LPP: variants seen among roughly 807,000 people sequenced by gnomAD.
The protein encoded by LPP is LIM domain containing preferred translocation partner in lipoma.
Under a neutral mutation model 60.4 loss-of-function variants are expected in LPP, and 38 were observed. The observed-to-expected ratio is 0.63, with a 90% CI of 0.49 to 0.83. LPP has a LOEUF of 0.83. LPP is among the 40% of genes least tolerant of loss of function. LPP has a pLI of 0.00. For synonymous variants in LPP, 328 were observed against 290.8 expected, an observed-to-expected ratio of 1.13 and a Z score of -1.30; for missense variants, 902 against 783.6, an observed-to-expected ratio of 1.15 and a Z score of -1.80.
intron 1 of LPP, chr3:188,179,534 C>T (rs1340036674): frequency 2.2e-6 from 1 of 457,468 alleles, no homozygotes; most frequent in South Asian, 1.5e-5. Context: ...TAGAGTTCCT[C>T]TCGTGCTCTC....
chr3:188,275,673 T>C (rs1739383698), intron 2 of LPP, among the ~76,000 whole-genome samples: 1 of 127,122 alleles, frequency 7.9e-6, no homozygotes, highest in South Asian at 2.6e-4. Flanking sequence ...GCACCTGCTG[T>C]ATTCCAGGAA....
intron 9 of LPP, among the ~76,000 whole-genome samples, chr3:188,765,883 TTTTTG>T (rs1204831377): frequency 1.4e-5 from 2 of 144,036 alleles, no homozygotes; most frequent in Admixed American, 7.0e-5. Flanking sequence ...TTTTTTTTTT[TTTTTG>T]GAGACAGGGT....
At chr3:188,250,722 CTCTCTTTCTTTCTTTCTT>C (rs1728843024) in intron 2 of LPP, among the ~76,000 whole-genome samples, 1 of 137,110 alleles carries the variant, frequency 7.3e-6, no homozygotes, top group Admixed American at 7.3e-5. Flanking sequence ...TTCTTTCTTT[CTCTCTTTCTTTCTTTCTT>C]TCTTTCTTTC....
At chr3:188,504,211 T>C (rs911572763) in intron 5 of LPP, among the ~76,000 whole-genome samples, 1 of 152,200 alleles carries the variant, frequency 6.6e-6, no homozygotes, top group African/African-American at 2.4e-5. Context: ...CTTTTGCTGT[T>C]AAATCTGTCT....
At chr3:188,369,227 A>T (rs926189340) in intron 3 of LPP, among the ~76,000 whole-genome samples, 2 of 152,046 alleles carry the variant, frequency 1.3e-5, no homozygotes. Flanking sequence ...CAACAAAAAC[A>T]GTTCTTATGC....
chr3:188,844,933 A>G (rs1289922913), intron 9 of LPP, among the ~76,000 whole-genome samples: 3 of 152,222 alleles, frequency 2.0e-5, no homozygotes, highest in Non-Finnish European at 2.9e-5. Context: ...GAAGGTGCCA[A>G]TGCAATTACA....
Position 188,881,559 on chromosome 3 carries a change from ACC to A in LPP, c.*7082_*7083del. 4.6e-6 allele frequency: 1 copy of A among 217,208 alleles called. No homozygotes were observed. The highest frequency in any genetic ancestry group is 9.3e-6 in the Non-Finnish European group (1 of 107,844). 13.5% of individuals were successfully genotyped at this position (217,208 alleles called of 1,614,324 possible). On this transcript the variant is annotated 3_prime_UTR_variant, in exon 12 of 12. Transcript: ENST00000617246. ...AGAGAATTTCCCCAAAAAACCTCAG[ACC>A]CAGAAGTGTAAAAGCTACAGAAGGA... is the stretch of plus-strand genomic sequence containing the variant.
At chr3:188,635,805 A>C (rs1249609396) in intron 7 of LPP, among the ~76,000 whole-genome samples, 1 of 152,222 alleles carries the variant, frequency 6.6e-6, no homozygotes, top group African/African-American at 2.4e-5. Context: ...ATGTTTATTG[A>C]AGTGAATTCC....
At chr3:188,648,183 T>C (rs1049055148) in intron 7 of LPP, among the ~76,000 whole-genome samples, 4 of 152,160 alleles carry the variant, frequency 2.6e-5, no homozygotes, top group African/African-American at 9.7e-5. Flanking sequence ...TAGTTGACTT[T>C]AGATTAAACT....
At position 188,886,519 on chromosome 3, in the gene LPP, A is replaced by G. The variant is rs186092117; in HGVS notation, c.*12040A>G. 720 of 192,038 alleles carry G rather than the reference A, an allele frequency of 3.7e-3. 8 individuals are homozygous for G. The highest frequency in any genetic ancestry group is 0.017 in the African/African-American group (684 of 40,906). The allele number at this position is 192,038 out of a possible 1,614,324, so 11.9% of individuals were successfully genotyped here. ...ACATGGGTGGAATCTGTGTTGTCTCATCAGAGGGAATAAAAAGACAATGAG... is the reference window on the plus strand; with the variant it reads ...ACATGGGTGGAATCTGTGTTGTCTCGTCAGAGGGAATAAAAAGACAATGAG... On this transcript the variant is annotated 3_prime_UTR_variant, in exon 12 of 12. Coordinates refer to ENST00000617246, the MANE Select transcript of LPP (RefSeq NM_001375462.1).
chr3:188,743,628 C>G (rs1168616289), intron 8 of LPP: 3 of 151,932 alleles, frequency 2.0e-5, no homozygotes, highest in Admixed American at 2.0e-4. Flanking sequence ...AGTGTACAAG[C>G]AGAAGTGATT....
intron 6 of LPP, among the ~76,000 whole-genome samples, chr3:188,544,379 T>C (rs1825979330): frequency 6.6e-6 from 1 of 152,248 alleles, no homozygotes; most frequent in East Asian, 1.9e-4. Context: ...GCTATCATTA[T>C]CATGTATATT....
At position 188,625,822 on chromosome 3, in the gene LPP, C is replaced by T. The variant is rs547257049; in HGVS notation, c.1113+15978C>T. Among the ~76,000 whole-genome samples, 6 of 152,230 alleles carry T rather than the reference C, an allele frequency of 3.9e-5. No homozygotes were observed. The South Asian group carries it at 1.2e-3, about 32-fold the overall frequency. ...TGACTCCATAGATGATAAGGTTGCA[C>T]ATATTTCAGAAGCCAAATAAATGTT... On this transcript the variant is annotated intron_variant, in intron 7 of 11. Coordinates refer to ENST00000617246, the MANE Select transcript of LPP (RefSeq NM_001375462.1).
intron 8 of LPP, among the ~76,000 whole-genome samples, chr3:188,741,868 G>T (rs1724563397): frequency 6.6e-6 from 1 of 151,938 alleles, no homozygotes; most frequent in South Asian, 2.1e-4. Context: ...CATACAGGGA[G>T]AAAATATGTG....
At chr3:188,537,342 GA>G (rs1297309525) in intron 6 of LPP, among the ~76,000 whole-genome samples, 2 of 152,118 alleles carry the variant, frequency 1.3e-5, no homozygotes, top group African/African-American at 2.4e-5. Flanking sequence ...ATGGGCAAAA[GA>G]AAAAGAAACA....
intron 3 of LPP, among the ~76,000 whole-genome samples, chr3:188,357,919 GT>G (rs962271547): frequency 2.6e-5 from 4 of 152,104 alleles, no homozygotes; most frequent in African/African-American, 9.7e-5. Context: ...TGTCTGTCTT[GT>G]TTTTCAGCTG....
At position 188,778,432 on chromosome 3, in the gene LPP, C is replaced by A. The variant is rs1417228697; in HGVS notation, c.1410+18150C>A. ...ACTAGGAATAAAGTGAAAATAGGGTCTTTTCTCTCATAGGTCTAAAAGATA... is the reference window on the plus strand; with the variant it reads ...ACTAGGAATAAAGTGAAAATAGGGTATTTTCTCTCATAGGTCTAAAAGATA... On this transcript the variant is annotated intron_variant, in intron 9 of 11. Transcript: ENST00000617246. Among the ~76,000 whole-genome samples, 3 of 152,106 alleles carry A rather than the reference C, an allele frequency of 2.0e-5. No homozygotes were observed. In the East Asian group the frequency reaches 5.8e-4, roughly 29 times the overall value.
intron 6 of LPP, among the ~76,000 whole-genome samples, chr3:188,602,659 G>A (rs1469127165): frequency 6.7e-6 from 1 of 150,360 alleles, no homozygotes; most frequent in Non-Finnish European, 1.5e-5. Flanking sequence ...CTCGACCCCA[G>A]TGAAGCTCTT....
intron 2 of LPP, among the ~76,000 whole-genome samples, chr3:188,235,643 C>T (rs1721636757): frequency 6.6e-6 from 1 of 152,114 alleles, no homozygotes; most frequent in Non-Finnish European, 1.5e-5. Flanking sequence ...ATCTCTTCTC[C>T]ACTTAGCATT....
Sources: gnomAD v4.1 joint callset for allele counts (sites outside exome capture counted in the v4.1 genomes callset) on GRCh38, gnomAD v4.1.1 for gene constraint, MANE v1.5 for transcripts, NCBI Gene and HGNC (gene_info 2026-07-23, HGNC 2026-07-21) for gene names.